Variants in KAZN observed in about 807,000 individuals in gnomAD.
The protein encoded by KAZN is kazrin.
Under a neutral mutation model 87.4 loss-of-function variants are expected in KAZN, and 40 were observed. The observed-to-expected ratio is 0.46, with a 90% CI of 0.36 to 0.60. KAZN has a LOEUF of 0.60. Ranked by LOEUF, KAZN falls within the 20% of genes least tolerant of loss-of-function variation. KAZN has a pLI of 0.00. For missense variants in KAZN, 898 were observed against 1,073.9 expected (o/e 0.84, Z 2.29); for synonymous variants, 466 against 458.3 (o/e 1.02, Z -0.22).
chr1:14,774,072 A>G (rs1645101454), intron 1 of KAZN, among the ~76,000 whole-genome samples: 1 of 152,216 alleles, frequency 6.6e-6, no homozygotes, highest in Non-Finnish European at 1.5e-5. Flanking sequence ...CGCTAGCAAA[A>G]GACCCCACAT....
chr1:14,284,751 G>A (rs1461460081), intron 2 of KAZN, among the ~76,000 whole-genome samples: 1 of 152,222 alleles, frequency 6.6e-6, no homozygotes, highest in Non-Finnish European at 1.5e-5. Flanking sequence ...ATGTCATCAG[G>A]AGTTTAGGAT....
intron 2 of KAZN, among the ~76,000 whole-genome samples, chr1:14,464,140 G>A (rs948341815): frequency 1.2e-4 from 18 of 152,184 alleles, no homozygotes; most frequent in Admixed American, 1.2e-3. Context: ...GGAACTTCGT[G>A]CAACACATGC....
chr1:14,950,638 G>T (rs1030054477), intron 1 of KAZN, among the ~76,000 whole-genome samples: 1 of 152,156 alleles, frequency 6.6e-6, no homozygotes, highest in African/African-American at 2.4e-5. Flanking sequence ...CACATACAGA[G>T]CTTTCAGGAG....
intron 1 of KAZN, among the ~76,000 whole-genome samples, chr1:14,647,951 T>C (rs1000465537): frequency 1.3e-5 from 2 of 152,208 alleles, no homozygotes; most frequent in African/African-American, 4.8e-5. Flanking sequence ...GCCAAGGTCC[T>C]TCCCAGCTGA....
intron 2 of KAZN, among the ~76,000 whole-genome samples, chr1:14,435,462 G>A (rs1292536235): frequency 2.6e-5 from 4 of 152,194 alleles, no homozygotes; most frequent in Middle Eastern, 3.2e-3. Flanking sequence ...ACACTAGGGG[G>A]CAGCTCAGAG....
At chr1:14,498,728 A>G (rs1190885563) in intron 2 of KAZN, among the ~76,000 whole-genome samples, 1 of 151,990 alleles carries the variant, frequency 6.6e-6, no homozygotes, top group Non-Finnish European at 1.5e-5. Context: ...AAAGAAAAAA[A>G]ATGGAGAGTG....
intron 1 of KAZN, among the ~76,000 whole-genome samples, chr1:14,033,448 A>C (rs1320136138): frequency 6.6e-6 from 1 of 152,176 alleles, no homozygotes; most frequent in Admixed American, 6.5e-5. Context: ...GATACTGAGA[A>C]CTTTCTTCCT....
At chr1:14,633,685 A>G (rs894666211) in intron 1 of KAZN, among the ~76,000 whole-genome samples, 2 of 152,180 alleles carry the variant, frequency 1.3e-5, no homozygotes, top group African/African-American at 2.4e-5. Flanking sequence ...GCTGAGCATT[A>G]GAATGACACA....
intron 1 of KAZN, among the ~76,000 whole-genome samples, chr1:14,004,812 G>A (rs1311037333): frequency 1.3e-5 from 2 of 152,078 alleles, no homozygotes; most frequent in African/African-American, 4.8e-5. Context: ...TAAATAATGA[G>A]GTCTCTGTTC....
At chr1:14,971,487 C>A (rs1665023935) in intron 2 of KAZN, among the ~76,000 whole-genome samples, 1 of 152,098 alleles carries the variant, frequency 6.6e-6, no homozygotes, top group African/African-American at 2.4e-5. Context: ...AGTCTGTTTT[C>A]CAAACTGATT....
chr1:14,263,099 G>A (rs139122628), intron 2 of KAZN, among the ~76,000 whole-genome samples: 41 of 152,198 alleles, frequency 2.7e-4, no homozygotes, highest in Admixed American at 5.9e-4. Context: ...AGATTTTAGC[G>A]GGAACCCAAA....
intron 1 of KAZN, among the ~76,000 whole-genome samples, chr1:14,678,563 C>G (rs894440218): frequency 1.3e-5 from 2 of 152,170 alleles, no homozygotes; most frequent in Admixed American, 1.3e-4. Context: ...AATAAAGTCC[C>G]TTTTGTATAT....
intron 2 of KAZN, among the ~76,000 whole-genome samples, chr1:14,473,998 T>C (rs1668590952): frequency 6.6e-6 from 1 of 152,226 alleles, no homozygotes. Context: ...CATTTATTTA[T>C]AGAAATTGCT....
At chr1:14,094,951 A>G (rs1228052608) in intron 1 of KAZN, among the ~76,000 whole-genome samples, 2 of 152,184 alleles carry the variant, frequency 1.3e-5, no homozygotes, top group Admixed American at 1.3e-4. Context: ...GGGGGCCGCA[A>G]TGTTCAAATA....
At chr1:14,946,524 A>G (rs1372935503) in intron 1 of KAZN, among the ~76,000 whole-genome samples, 1 of 151,924 alleles carries the variant, frequency 6.6e-6, no homozygotes, top group Non-Finnish European at 1.5e-5. Flanking sequence ...TTTATAGTAG[A>G]GACAGGGTTT....
intron 2 of KAZN, among the ~76,000 whole-genome samples, chr1:14,587,325 A>T (rs1025015662): frequency 6.6e-6 from 1 of 151,500 alleles, no homozygotes; most frequent in African/African-American, 2.4e-5. Flanking sequence ...AATCCCAGCT[A>T]CTCAAGAGGC....
At position 14,193,661 on chromosome 1, in the gene KAZN, G is replaced by GTT. The variant is rs35505020; in HGVS notation, c.249+13086_249+13087dup. Among the ~76,000 whole-genome samples, 731 of 140,630 alleles carry GTT rather than the reference G, an allele frequency of 5.2e-3. 7 individuals are homozygous for GTT. The highest frequency in any genetic ancestry group is 0.018 in the African/African-American group (695 of 39,540). The allele number at this position is 140,630 out of a possible 152,430, so 92.3% of individuals were successfully genotyped here. A position where few individuals can be genotyped will look rare whatever the true frequency, so the allele number is the denominator to read the frequency against. ...ATCACAAACTAAGAAAGACTAAGGTGTTTTTTTTTTTTTTTTTTACCAGGT... is the reference window on the plus strand; with the variant it reads ...ATCACAAACTAAGAAAGACTAAGGTGTTTTTTTTTTTTTTTTTTTTACCAGGT... On this transcript the variant is annotated intron_variant, in intron 2 of 16. Coordinates refer to the KAZN transcript ENST00000636203.
chr1:13,961,464 G>A (rs1241671989), intron 1 of KAZN, among the ~76,000 whole-genome samples: 3 of 152,190 alleles, frequency 2.0e-5, no homozygotes, highest in Non-Finnish European at 4.4e-5. Context: ...GAGTCATTTT[G>A]TTTGGGCTGG....
chr1:14,742,961 C>T (rs1315846134), intron 1 of KAZN, among the ~76,000 whole-genome samples: 1 of 114,116 alleles, frequency 8.8e-6, no homozygotes, highest in East Asian at 2.1e-4. Flanking sequence ...CAAACAGATG[C>T]TCCTGCACTC....
Sources: allele counts gnomAD v4.1 joint callset (sites outside exome capture counted in the v4.1 genomes callset), GRCh38; gene constraint gnomAD v4.1.1; transcripts MANE v1.5; gene names NCBI Gene and HGNC (gene_info 2026-07-23, HGNC 2026-07-21).